The following NME4 variants were observed in gnomAD, a reference collection of about 807,000 sequenced individuals.
NME4 encodes the protein NME/NM23 nucleoside diphosphate kinase 4, also known as nucleoside diphosphate kinase D, mitochondrial.
A neutral mutation model predicts 16.4 loss-of-function variants in NME4; 21 were observed. That is an observed-to-expected ratio of 1.28 (90% confidence interval 0.91 to 1.84). The LOEUF is 1.84. Ranked by LOEUF, NME4 falls within the 40% of genes most tolerant of loss-of-function variation. The probability of loss-of-function intolerance (pLI) is 0.00; values close to 1 mark genes in which losing one functional copy is unlikely to be tolerated. For missense variants in NME4, 316 were observed against 261.3 expected, an observed-to-expected ratio of 1.21 and a Z score of -1.44; for synonymous variants, 132 against 107.5, an observed-to-expected ratio of 1.23 and a Z score of -1.41.
chr16:397,913 G>A, intron 1 of NME4: 1 of 1,551,108 alleles, frequency 6.4e-7, no homozygotes, highest in Non-Finnish European at 8.7e-7. Context: ...GTGAGCCGCC[G>A]CCTGCAATGC....
chr16:398,929 C>T, intron 1 of NME4, 61 bp from the exon 2 acceptor site: 1 of 1,596,322 alleles, frequency 6.3e-7, no homozygotes, highest in East Asian at 2.2e-5. Context: ...GCTGGGAAAC[C>T]CGGGTCGTGG....
intron 1 of NME4, chr16:398,527 G>C: frequency 1.4e-6 from 1 of 709,724 alleles, no homozygotes; most frequent in Non-Finnish European, 2.0e-6. Context: ...TCAAAAGTGA[G>C]GCTGGAGTTT....
intron 1 of NME4, chr16:397,925 C>G (rs74784460): frequency 2.6e-6 from 4 of 1,549,938 alleles, no homozygotes; most frequent in Admixed American, 1.9e-5. Flanking sequence ...CTGCAATGCC[C>G]GCACCAGCCG....
chr16:399,247 G>A (rs757952515), intron 2 of NME4, 124 bp downstream of exon 2: 2 of 1,447,284 alleles, frequency 1.4e-6, no homozygotes, highest in South Asian at 1.1e-5. Context: ...GGGCAGGAGG[G>A]ATCTATTCTG....
chr16:400,343 G>C lies in NME4; in HGVS notation c.*1G>C. The stretch of plus-strand genomic sequence containing the variant: ...GCACAGCAGCATCCACCCAGCCTGA[G>C]GCTCAAGCTGCCCTTACCACCCCAT... On this transcript the variant is annotated 3_prime_UTR_variant, in exon 5 of 5. Coordinates refer to ENST00000219479, the MANE Select transcript of NME4 (RefSeq NM_005009.3). 1 of 1,599,888 alleles carries C rather than the reference G, an allele frequency of 6.3e-7. No homozygotes were observed. Among genetic ancestry groups the C allele is most frequent in the Non-Finnish European group, 8.5e-7 (1 of 1,177,964 alleles).
At chr16:399,859 T>A in intron 4 of NME4, 120 bp downstream of exon 4, 1 of 795,158 alleles carries the variant, frequency 1.3e-6, no homozygotes, top group Non-Finnish European at 2.1e-6. Context: ...AGGTCGGACA[T>A]GACAGCTCAC....
intron 4 of NME4, 50 bp downstream of exon 4, chr16:399,789 T>C: frequency 2.0e-6 from 3 of 1,464,272 alleles, no homozygotes; most frequent in Non-Finnish European, 1.9e-6. Flanking sequence ...AGGAGGGCCA[T>C]CACTTGGGGT....
At position 399,084 on chromosome 16, in the gene NME4, G is replaced by C; in HGVS notation, c.186G>C (p.Glu62Asp). 3.1e-6 allele frequency: 5 copies of C among 1,601,332 alleles called. No homozygotes were observed. The highest frequency in any genetic ancestry group is 4.2e-6 in the Non-Finnish European group (5 of 1,177,744). The change falls in exon 2 of 5, where the codon GAG (glutamate) becomes GAC (aspartate). Residue 62 changes from glutamate (E) to aspartate (D), a missense_variant. Coordinates refer to ENST00000219479, the MANE Select transcript of NME4 (RefSeq NM_005009.3). ...RLVGDVIQRF[E>D]RRGFTLVGMK... ...TTGGGGACGTGATCCAGCGCTTTGA[G>C]AGGCGGGGCTTCACGCTGGTGGGGA...
In NME4 at chr16:400,584, G is replaced by T. The variant is rs2054641782; in HGVS notation, c.*242G>T. ...TGCCGGACAACCTTTGTGGTGGGGG[G>T]GGGTCTTCACATTATCATAACCTCT... On this transcript the variant is annotated 3_prime_UTR_variant, in exon 5 of 5. Coordinates refer to ENST00000219479, the MANE Select transcript of NME4 (RefSeq NM_005009.3). 1 of 487,136 alleles carries T rather than the reference G, an allele frequency of 2.1e-6. No individual in the cohort carries two copies. The highest frequency in any genetic ancestry group is 3.8e-5 in the South Asian group (1 of 26,414). 30.2% of individuals were successfully genotyped at this position (487,136 alleles called of 1,614,324 possible). A position where few individuals can be genotyped will look rare whatever the true frequency, so the allele number is the denominator to read the frequency against.
At chr16:397,909 C>T (rs766645586) in intron 1 of NME4, 2 of 1,551,976 alleles carry the variant, frequency 1.3e-6, no homozygotes, top group Admixed American at 3.9e-5. Flanking sequence ...AAAAGTGAGC[C>T]GCCGCCTGCA....
At chr16:400,020 G>T in intron 4 of NME4, 199 bp from the exon 5 acceptor site, 1 of 807,786 alleles carries the variant, frequency 1.2e-6, no homozygotes, top group Non-Finnish European at 2.0e-6. Context: ...AAAAGCTGGG[G>T]CCTGGGCGGG....
intron 1 of NME4, 97 bp downstream of exon 1, chr16:397,410 T>TC: frequency 2.5e-6 from 1 of 393,466 alleles, no homozygotes. Context: ...GGGGTCCGAC[T>TC]CCCCCAGAGG....
intron 1 of NME4, chr16:398,303 G>T (rs1254630194): frequency 3.0e-6 from 4 of 1,345,292 alleles, no homozygotes; most frequent in Admixed American, 4.5e-5. Context: ...CACAGGCCCC[G>T]TCTCCTGGCT....
chr16:399,388 A>T lies in NME4; in HGVS notation c.235A>T (p.Ser79Cys), dbSNP rs1358156082. ...VGMKMLQAPE[S>C]VLAEHYQDLR... ...CCTCAATGCCACCCAGGCACCAGAG[A>T]GCGTCCTTGCCGAGCACTACCAGGA... The change falls in exon 3 of 5, where the codon AGC becomes TGC. Residue 79 changes from serine to cysteine, a missense_variant. By Grantham distance (112) the Ser-to-Cys change is moderately radical. Coordinates refer to ENST00000219479, the MANE Select transcript of NME4 (RefSeq NM_005009.3). 1 of 1,612,692 alleles carries T rather than the reference A, an allele frequency of 6.2e-7. No homozygotes were observed. The highest frequency in any genetic ancestry group is 8.5e-7 in the Non-Finnish European group (1 of 1,179,958).
chr16:397,314 G>T lies in NME4; in HGVS notation c.91+1G>T, dbSNP rs1197165286. 6 of 1,043,990 alleles carry T rather than the reference G, an allele frequency of 5.7e-6. No individual in the cohort carries two copies. In the Admixed American group the frequency reaches 3.3e-4, roughly 58 times the overall value. 64.7% of individuals were successfully genotyped at this position (1,043,990 alleles called of 1,614,324 possible). A position where few individuals can be genotyped will look rare whatever the true frequency, so the allele number is the denominator to read the frequency against. ...AGCCTGCTAGTGCGCCACGGCTCGG[G>T]TGAGTGGGGCCGCGCGCCCCGGCGG... On this transcript the variant is annotated splice_donor_variant, in intron 1 of 4. Transcript: ENST00000219479. LOFTEE classifies it high-confidence loss of function.
intron 1 of NME4, chr16:397,697 GGGGTGGGGGTGTGGGGGGGTGAGGGAGTC>G: frequency 4.8e-6 from 1 of 210,088 alleles, no homozygotes; most frequent in East Asian, 1.3e-4. Context: ...TCGGGGGGTG[GGGGTGGGGGTGTGGGGGGGTGAGGGAGTC>G]GGGGGGTGGG....
At chr16:400,103 C>T (rs1406512095) in intron 4 of NME4, 116 bp from the exon 5 acceptor site, 20 of 1,440,984 alleles carry the variant, frequency 1.4e-5, no homozygotes, top group Non-Finnish European at 1.9e-5. Flanking sequence ...CCTTCCCTGT[C>T]TGCAGTCACA....
intron 4 of NME4, 37 bp from the exon 5 acceptor site, chr16:400,182 G>A (rs1055765217): frequency 3.7e-6 from 6 of 1,611,926 alleles, no homozygotes; most frequent in Middle Eastern, 1.6e-4. Flanking sequence ...GGGTGCACAT[G>A]AAGCCTGAGC....
chr16:397,362 C>T, intron 1 of NME4, 49 bp downstream of exon 1: 1 of 748,018 alleles, frequency 1.3e-6, no homozygotes, highest in Non-Finnish European at 1.7e-6. Flanking sequence ...GAGGAAGGGG[C>T]GCGCGCCGCT....
Sources: allele counts gnomAD v4.1 joint callset, GRCh38; gene constraint gnomAD v4.1.1; transcripts MANE v1.5; gene names NCBI Gene and HGNC (gene_info 2026-07-23, HGNC 2026-07-21).